SLC40A1: variants seen among roughly 807,000 people sequenced by gnomAD.
The protein encoded by SLC40A1 is solute carrier family 40 member 1.
SLC40A1 carries 16 observed loss-of-function variants against 53.5 expected under a neutral mutation model. The observed-to-expected ratio is 0.30, with a 90% CI of 0.20 to 0.45. The LOEUF (loss-of-function observed/expected upper bound fraction) is 0.45. Ranked by LOEUF, SLC40A1 falls within the 20% of genes least tolerant of loss-of-function variation. The pLI, the probability that SLC40A1 is intolerant of heterozygous loss-of-function variation, is 1.00. For missense variants in SLC40A1, 545 were observed against 695.4 expected (o/e 0.78, Z 2.43); for synonymous variants, 247 against 253.2 (o/e 0.98, Z 0.23).
chr2:189,564,862 A>G (rs1286219292), intron 6 of SLC40A1, among the ~76,000 whole-genome samples: 1 of 152,080 alleles, frequency 6.6e-6, no homozygotes, highest in African/African-American at 2.4e-5. Flanking sequence ...AACAACCAGC[A>G]TATTATTTTC....
chr2:189,565,699 C>T, intron 5 of SLC40A1, 100 bp from the exon 6 acceptor site: 1 of 1,510,288 alleles, frequency 6.6e-7, no homozygotes, highest in Non-Finnish European at 9.2e-7. Context: ...GTATAGATTC[C>T]TAAAATGTGG....
At chr2:189,574,665 C>A (rs1389717398) in intron 3 of SLC40A1, among the ~76,000 whole-genome samples, 1 of 152,116 alleles carries the variant, frequency 6.6e-6, no homozygotes, top group Non-Finnish European at 1.5e-5. Flanking sequence ...TTTTTCCCTA[C>A]AAAATTTATA....
At chr2:189,563,536 T>C in intron 7 of SLC40A1, 48 bp downstream of exon 7, 1 of 1,553,142 alleles carries the variant, frequency 6.4e-7, no homozygotes, top group Non-Finnish European at 8.8e-7. Flanking sequence ...GAACCTACAT[T>C]ACAAAAAGAC....
intron 5 of SLC40A1, among the ~76,000 whole-genome samples, chr2:189,571,230 A>G (rs987251292): frequency 6.6e-6 from 1 of 152,168 alleles, no homozygotes; most frequent in African/African-American, 2.4e-5. Context: ...TACATTGTAC[A>G]TAATGTAATA....
At chr2:189,564,658 G>A (rs2030872533) in intron 6 of SLC40A1, among the ~76,000 whole-genome samples, 2 of 152,126 alleles carry the variant, frequency 1.3e-5, no homozygotes, top group African/African-American at 4.8e-5. Flanking sequence ...GGCTAACATG[G>A]TGAAACCCCG....
rs1383071861 is a variant in SLC40A1, at chr2:189,565,349, T to A, written c.760+5A>T. ...CAAAAGGAGAGATCATTGTGTTCAG[T>A]TTACCTTTGTGTAAATTCAGCTGTT... is the stretch of plus-strand genomic sequence containing the variant. On this transcript the variant is annotated splice_donor_5th_base_variant and intron_variant, in intron 6 of 7. Transcript: ENST00000261024. 6.2e-7 allele frequency: 1 copy of A among 1,614,176 alleles called. No homozygotes were observed.
In SLC40A1 at chr2:189,561,812, T is replaced by C; in HGVS notation, c.*66A>G. On this transcript the variant is annotated 3_prime_UTR_variant, in exon 8 of 8. Transcript: ENST00000261024. The stretch of plus-strand genomic sequence containing the variant: ...AACACCCAGCCATTTATTGGAATTC[T>C]GCAGTACAAAATAAGCACATGTGCT... The C allele has an allele frequency of 2.2e-6, 3 of 1,341,346 alleles. No homozygotes were observed. The highest frequency in any genetic ancestry group is 1.2e-5 in the South Asian group (1 of 84,222). The allele number at this position is 1,341,346 out of a possible 1,614,324, so 83.1% of individuals were successfully genotyped here. A position where few individuals can be genotyped will look rare whatever the true frequency, so the allele number is the denominator to read the frequency against.
At position 189,561,595 on chromosome 2, in the gene SLC40A1, A is replaced by T. The variant is rs1027911345; in HGVS notation, c.*283T>A. On this transcript the variant is annotated 3_prime_UTR_variant, in exon 8 of 8. Coordinates refer to ENST00000261024, the MANE Select transcript of SLC40A1 (RefSeq NM_014585.6). ...GTGACTAACCACTCTTTTACGTAAG[A>T]TTGTATCTACTCATGAGAAATAGGG... is the stretch of plus-strand genomic sequence containing the variant. 6 of 384,966 alleles carry T rather than the reference A, an allele frequency of 1.6e-5. No homozygotes were observed. Among genetic ancestry groups the T allele is most frequent in the African/African-American group, 1.2e-4 (6 of 48,908 alleles). The allele number at this position is 384,966 out of a possible 1,614,324, so 23.8% of individuals were successfully genotyped here.
At chr2:189,576,591 A>G (rs2882877) in intron 2 of SLC40A1, among the ~76,000 whole-genome samples, 60,947 of 151,952 alleles carry the variant, frequency 0.4, 13,436 homozygotes, top group African/African-American at 0.59. Flanking sequence ...CACAACAGCA[A>G]GGGGGTGGAG....
chr2:189,571,647 C>G, intron 5 of SLC40A1, 68 bp downstream of exon 5: 1 of 1,580,378 alleles, frequency 6.3e-7, no homozygotes, highest in South Asian at 1.1e-5. Flanking sequence ...CTTACAGCCT[C>G]ATTTATCACC....
At chr2:189,574,893 C>CGGCA (rs1288659021) in intron 3 of SLC40A1, among the ~76,000 whole-genome samples, 2 of 152,130 alleles carry the variant, frequency 1.3e-5, no homozygotes. Flanking sequence ...CAGAGAAGTG[C>CGGCA]TACAAGGTTA....
Position 189,565,358 on chromosome 2 carries a change from G to C in SLC40A1, c.756C>G (p.His252Gln), listed in dbSNP as rs747202067. Reference protein sequence around the residue: ...EETELKQLNLHKDTEPKPLEG... With the variant: ...EETELKQLNLQKDTEPKPLEG... ...AGATCATTGTGTTCAGTTTACCTTT[G>C]TGTAAATTCAGCTGTTTCAATTCAG... Residue 252 changes from histidine (H) to glutamine (Q), a missense_variant, in exon 6 of 8, where the codon CAC becomes CAG. His to Gln is a conservative substitution (Grantham distance 24, BLOSUM62 0). Around this residue, in one of 4 missense-constraint regions of SLC40A1, gnomAD observed 107 missense variants for 91.0 expected, o/e 1.18. Transcript: ENST00000261024. The C allele has an allele frequency of 6.2e-7, 1 of 1,614,204 alleles. No homozygotes were observed. Among genetic ancestry groups the C allele is most frequent in the South Asian group, 1.1e-5 (1 of 91,082 alleles).
intron 7 of SLC40A1, among the ~76,000 whole-genome samples, 200 bp from the exon 8 acceptor site, chr2:189,562,391 T>C (rs1012971609): frequency 6.6e-6 from 1 of 152,204 alleles, no homozygotes; most frequent in Non-Finnish European, 1.5e-5. Flanking sequence ...CAATAAATGA[T>C]TTTTACAGTC....
chr2:189,580,307 C>G (rs563119568), intron 1 of SLC40A1, 111 bp downstream of exon 1: 1 of 1,141,066 alleles, frequency 8.8e-7, no homozygotes, highest in South Asian at 1.2e-5. Context: ...GATCTTTTTA[C>G]AAAGCTATGG....
intron 2 of SLC40A1, among the ~76,000 whole-genome samples, chr2:189,575,619 G>A (rs1457527114): frequency 1.3e-5 from 2 of 152,132 alleles, no homozygotes; most frequent in African/African-American, 4.8e-5. Flanking sequence ...GGCTTTTTGA[G>A]ACAAAAACGT....
chr2:189,580,599 C>A lies in SLC40A1; in HGVS notation c.-139G>T. 6.4e-7 allele frequency: 1 copy of A among 1,568,292 alleles called. No homozygotes were observed. Among genetic ancestry groups the A allele is most frequent in the Non-Finnish European group, 8.6e-7 (1 of 1,162,512 alleles). On this transcript the variant is annotated 5_prime_UTR_variant, in exon 1 of 8. Coordinates refer to ENST00000261024, the MANE Select transcript of SLC40A1 (RefSeq NM_014585.6). ...ACAGCCTTGGGCAAAAAGACTACAA[C>A]GACGACTTTGGCAAAGAACAAAAGA...
At chr2:189,578,350 CT>C in intron 2 of SLC40A1, 1 of 1,002,462 alleles carries the variant, frequency 1.0e-6, no homozygotes. Flanking sequence ...CTTTGCTTGA[CT>C]TACTGTAAAG....
chr2:189,563,557 A>G (rs778442265), intron 7 of SLC40A1, 27 bp downstream of exon 7: 1 of 1,601,902 alleles, frequency 6.2e-7, no homozygotes, highest in South Asian at 1.1e-5. Flanking sequence ...ACTTTAGTTC[A>G]TTAATATATA....
chr2:189,561,808 A>C lies in SLC40A1; in HGVS notation c.*70T>G. On this transcript the variant is annotated 3_prime_UTR_variant, in exon 8 of 8. Coordinates refer to ENST00000261024, the MANE Select transcript of SLC40A1 (RefSeq NM_014585.6). Reference sequence around the variant, plus strand: ...GCAAAACACCCAGCCATTTATTGGAATTCTGCAGTACAAAATAAGCACATG... The same window carrying C: ...GCAAAACACCCAGCCATTTATTGGACTTCTGCAGTACAAAATAAGCACATG... 1 of 1,315,770 alleles carries C rather than the reference A, an allele frequency of 7.6e-7. No homozygotes were observed. The highest frequency in any genetic ancestry group is 1.1e-6 in the Non-Finnish European group (1 of 913,814). The allele number at this position is 1,315,770 out of a possible 1,614,324, so 81.5% of individuals were successfully genotyped here.
Sources: allele counts gnomAD v4.1 joint callset (sites outside exome capture counted in the v4.1 genomes callset), GRCh38; gene constraint gnomAD v4.1.1; regional missense constraint gnomAD v4.1.1; transcripts MANE v1.5; gene names NCBI Gene and HGNC (gene_info 2026-07-23, HGNC 2026-07-21).